CFB: variants seen among roughly 807,000 people sequenced by gnomAD.
CFB encodes the protein complement factor B.
Under a neutral mutation model 97.2 loss-of-function variants are expected in CFB, and 59 were observed. The observed-to-expected ratio is 0.61, with a 90% CI of 0.49 to 0.75. The LOEUF is 0.75. Among genes scored for constraint, CFB ranks in the 30% least tolerant of loss-of-function variants. CFB has a pLI of 0.00. For missense variants in CFB, 771 were observed against 959.8 expected, an observed-to-expected ratio of 0.80 and a Z score of 2.60; for synonymous variants, 316 against 351.7, an observed-to-expected ratio of 0.90 and a Z score of 1.14.
In CFB at chr6:31,947,318, T is replaced by C. The variant is rs763699516; in HGVS notation, c.485-30T>C. 20 of 1,612,828 alleles carry C rather than the reference T, an allele frequency of 1.2e-5. No individual in the cohort carries two copies. Among genetic ancestry groups the C allele is most frequent in the Non-Finnish European group, 1.7e-5 (20 of 1,180,006 alleles). On this transcript the variant is annotated intron_variant, in intron 3 of 17. Transcript: ENST00000425368. The surrounding 1 kb of genome is among the most constrained non-coding windows in gnomAD (Gnocchi z 5.3). ...TTGCTCACGGGGCCTCAGGCTTCAG[T>C]GCTTACCTCGATGTCTCATACCTCT... is the stretch of plus-strand genomic sequence containing the variant.
chr6:31,946,409 A>G lies in CFB; in HGVS notation c.101A>G (p.Gln34Arg). 1 of 1,613,012 alleles carries G rather than the reference A, an allele frequency of 6.2e-7. No individual in the cohort carries two copies. The highest frequency in any genetic ancestry group is 8.5e-7 in the Non-Finnish European group (1 of 1,180,004). Residue 34 changes from glutamine (Q) to arginine (R), a missense_variant, in exon 2 of 18, where the codon CAG becomes CGG. Gln to Arg is a conservative substitution (Grantham distance 43). Transcript: ENST00000425368. The surrounding 1 kb of genome is among the most constrained non-coding windows in gnomAD (Gnocchi z 6.4). ...TTTPWSLARPQGSCSLEGVEI... is the reference protein window; with the variant it reads ...TTTPWSLARPRGSCSLEGVEI... ...ACTCCATGGTCTTTGGCCCGGCCCC[A>G]GGGATCCTGCTCTCTGGAGGGGGTA...
At position 31,951,704 on chromosome 6, in the gene CFB, G is replaced by A; in HGVS notation, c.2139+100G>A. 1 of 1,562,758 alleles carries A rather than the reference G, an allele frequency of 6.4e-7. No individual in the cohort carries two copies. The highest frequency in any genetic ancestry group is 8.8e-7 in the Non-Finnish European group (1 of 1,133,290). Reference sequence around the variant, plus strand: ...TGTGGCTAGTAATTCGAGGTAGGCAGAGCCTGCCTCACCTTAGGACCGCAT... The same window carrying A: ...TGTGGCTAGTAATTCGAGGTAGGCAAAGCCTGCCTCACCTTAGGACCGCAT... On this transcript the variant is annotated intron_variant, in intron 17 of 17. Coordinates refer to ENST00000425368, the MANE Select transcript of CFB (RefSeq NM_001710.6). The surrounding 1 kb of genome is among the most constrained non-coding windows in gnomAD (Gnocchi z 4.3).
At chr6:31,949,920 G>A (rs2151785824) in intron 10 of CFB, 130 bp from the exon 11 acceptor site, 2 of 891,510 alleles carry the variant, frequency 2.2e-6, no homozygotes, top group East Asian at 2.6e-5. Context: ...CTAACACGAG[G>A]AAACAAATAC....
rs915849418 is a variant in CFB, at chr6:31,952,040, T to C, written c.*10T>C. On this transcript the variant is annotated 3_prime_UTR_variant, in exon 18 of 18. Coordinates refer to ENST00000425368, the MANE Select transcript of CFB (RefSeq NM_001710.6). ...TTTGGGTTTTCTATAAGGGGTTTCC[T>C]GCTGGACAGGGGCGTGGGATTGAAT... is the stretch of plus-strand genomic sequence containing the variant. The C allele has an allele frequency of 1.2e-6, 2 of 1,612,626 alleles. No homozygotes were observed. The highest frequency in any genetic ancestry group is 2.7e-5 in the African/African-American group (2 of 75,068).
Position 31,950,355 on chromosome 6 carries a change from C to T in CFB, c.1576C>T (p.His526Tyr), listed in dbSNP as rs1771679355. The T allele has an allele frequency of 6.2e-7, 1 of 1,613,100 alleles. No individual in the cohort carries two copies. Among genetic ancestry groups the T allele is most frequent in the Non-Finnish European group, 8.5e-7 (1 of 1,180,036 alleles). The change falls in exon 12 of 18, where the codon CAT becomes TAT. Residue 526 changes from histidine (H) to tyrosine (Y), a missense_variant. Coordinates refer to ENST00000425368, the MANE Select transcript of CFB (RefSeq NM_001710.6). ...VSEYFVLTAA[H>Y]CFTVDDKEHS... ...TGAGTACTTTGTGCTGACAGCAGCA[C>T]ATTGTTTCACTGTGGATGACAAGGA... is the stretch of plus-strand genomic sequence containing the variant.
chr6:31,950,434 A>T, intron 12 of CFB, 31 bp downstream of exon 12: 1 of 1,596,590 alleles, frequency 6.3e-7, no homozygotes. Flanking sequence ...CCTGGGCTGC[A>T]CCTATGCTCT....
chr6:31,951,770 C>G lies in CFB; in HGVS notation c.2140-105C>G. ...GTCAAGAACGAGGCTGAGCTGGGTC[C>G]CTAGTCTGATTCCTTTAGGTCAGCT... On this transcript the variant is annotated intron_variant, in intron 17 of 17. Coordinates refer to ENST00000425368, the MANE Select transcript of CFB (RefSeq NM_001710.6). The surrounding 1 kb of genome is among the most constrained non-coding windows in gnomAD (Gnocchi z 4.3). 6.3e-7 allele frequency: 1 copy of G among 1,590,770 alleles called. No homozygotes were observed. The highest frequency in any genetic ancestry group is 1.7e-5 in the Admixed American group (1 of 59,968).
At position 31,949,304 on chromosome 6, in the gene CFB, C is replaced by G; in HGVS notation, c.1230C>G (p.Tyr410Ter). The change falls in exon 9 of 18, where the codon TAC becomes TAG. Residue 410 changes from tyrosine to a stop codon, truncating the protein, a stop_gained. Coordinates refer to ENST00000425368, the MANE Select transcript of CFB (RefSeq NM_001710.6). LOFTEE classifies it high-confidence loss of function. ...TVIDEIRDLL[Y>*]IGKDRKNPRE... ...TTGATGAGATCCGGGACTTGCTATA[C>G]ATTGGCAAGGATCGCAAAAACCCAA... The G allele has an allele frequency of 6.2e-7, 1 of 1,614,186 alleles. No individual in the cohort carries two copies. The highest frequency in any genetic ancestry group is 1.1e-5 in the South Asian group (1 of 91,086).
Position 31,946,954 on chromosome 6 carries a change from C to T in CFB, c.299-53C>T. On this transcript the variant is annotated intron_variant, in intron 2 of 17. Transcript: ENST00000425368. This position sits in a 1 kb window ranked among gnomAD's most constrained non-coding sequence, Gnocchi z 6.4. The stretch of plus-strand genomic sequence containing the variant: ...GGTCTCCGAGACCAGGAGGGATACA[C>T]CTAAGGCAGCCTTTCCCTCTTGATG... The T allele has an allele frequency of 1.9e-6, 3 of 1,594,468 alleles. No individual in the cohort carries two copies. Among genetic ancestry groups the T allele is most frequent in the Non-Finnish European group, 2.6e-6 (3 of 1,163,296 alleles).
In CFB at chr6:31,947,570, C is replaced by G; in HGVS notation, c.658+49C>G. On this transcript the variant is annotated intron_variant, in intron 4 of 17. Coordinates refer to ENST00000425368, the MANE Select transcript of CFB (RefSeq NM_001710.6). The surrounding 1 kb of genome is among the most constrained non-coding windows in gnomAD (Gnocchi z 5.3). ...GGTCAGATCCTGGTCTTCCATCCTA[C>G]TGTCTTCTCTCCCCACCTCAACCCT... The G allele has an allele frequency of 1.2e-6, 2 of 1,608,916 alleles. No homozygotes were observed. The highest frequency in any genetic ancestry group is 8.5e-7 in the Non-Finnish European group (1 of 1,176,628).
chr6:31,948,123 G>A (rs1275191401), intron 6 of CFB, 42 bp downstream of exon 6: 20 of 1,609,004 alleles, frequency 1.2e-5, no homozygotes, highest in East Asian at 8.9e-5. Flanking sequence ...ATGGAATCTC[G>A]CTGATCTTCC....
Position 31,948,372 on chromosome 6 carries a change from A to C in CFB, c.898-2A>C. On this transcript the variant is annotated splice_acceptor_variant, in intron 6 of 17. Coordinates refer to ENST00000425368, the MANE Select transcript of CFB (RefSeq NM_001710.6). LOFTEE classifies it high-confidence loss of function. ...ATGGCGCCTTGTTCTCCTCACCCAC[A>C]GGTGGCAAGTTATGGTGTGAAGCCA... 6.8e-6 allele frequency: 11 copies of C among 1,614,234 alleles called. No homozygotes were observed. Among genetic ancestry groups the C allele is most frequent in the Non-Finnish European group, 9.3e-6 (11 of 1,180,044 alleles).
In CFB at chr6:31,951,814, G is replaced by A; in HGVS notation, c.2140-61G>A. The stretch of plus-strand genomic sequence containing the variant: ...GTCAGCTAAGACACAAGCAGGAACA[G>A]CCATGCTTCCAGGATTAGGAATTCT... On this transcript the variant is annotated intron_variant, in intron 17 of 17. Coordinates refer to ENST00000425368, the MANE Select transcript of CFB (RefSeq NM_001710.6). The surrounding 1 kb of genome is among the most constrained non-coding windows in gnomAD (Gnocchi z 4.3). 1.9e-6 allele frequency: 3 copies of A among 1,610,814 alleles called. No individual in the cohort carries two copies. In the South Asian group the frequency reaches 3.3e-5, roughly 18 times the overall value.
chr6:31,948,031 G>A lies in CFB; in HGVS notation c.847G>A (p.Ala283Thr). 6.2e-7 allele frequency: 1 copy of A among 1,614,172 alleles called. No individual in the cohort carries two copies. The highest frequency in any genetic ancestry group is 8.5e-7 in the Non-Finnish European group (1 of 1,180,030). Residue 283 changes from alanine (A) to threonine (T), a missense_variant, in exon 6 of 18, where the codon GCC (alanine) becomes ACC (threonine). Transcript: ENST00000425368. Reference sequence around the variant, plus strand: ...GCTAGATGGATCAGACAGCATTGGGGCCAGCAACTTCACAGGAGCCAAAAA... The same window carrying A: ...GCTAGATGGATCAGACAGCATTGGGACCAGCAACTTCACAGGAGCCAAAAA... ...LVLDGSDSIGASNFTGAKKCL... is the reference protein window; with the variant it reads ...LVLDGSDSIGTSNFTGAKKCL...
chr6:31,946,694 G>T lies in CFB; in HGVS notation c.298+88G>T. 1 of 1,279,280 alleles carries T rather than the reference G, an allele frequency of 7.8e-7. No homozygotes were observed. Among genetic ancestry groups the T allele is most frequent in the Non-Finnish European group, 1.1e-6 (1 of 905,766 alleles). 79.2% of individuals were successfully genotyped at this position (1,279,280 alleles called of 1,614,324 possible). On this transcript the variant is annotated intron_variant, in intron 2 of 17. Transcript: ENST00000425368. The surrounding 1 kb of genome is among the most constrained non-coding windows in gnomAD (Gnocchi z 6.4). ...CAGGACTAGGATGAGACTAGGCAGG[G>T]TGACAAGGTGGGCTGACCGGGAGTA...
chr6:31,948,596 G>T, intron 7 of CFB, 84 bp downstream of exon 7: 3 of 1,586,508 alleles, frequency 1.9e-6, no homozygotes, highest in Non-Finnish European at 2.6e-6. Flanking sequence ...CCTTGAGGGC[G>T]ACAGGGAGGA....
In CFB at chr6:31,948,334, T is replaced by C. The variant is rs1181050722; in HGVS notation, c.898-40T>C. On this transcript the variant is annotated intron_variant, in intron 6 of 17. Transcript: ENST00000425368. ...CTGAAATCTCCCAATCACAGTATTC[T>C]ATTTTCAATGCCATGGCGCCTTGTT... 12 of 1,613,954 alleles carry C rather than the reference T, an allele frequency of 7.4e-6. No homozygotes were observed. In the Admixed American group the frequency reaches 1.0e-4, roughly 13 times the overall value.
At chr6:31,950,264 C>T (rs1771671430) in intron 11 of CFB, 22 bp from the exon 12 acceptor site, 1 of 1,609,282 alleles carries the variant, frequency 6.2e-7, no homozygotes, top group Non-Finnish European at 8.5e-7. Context: ...TGAGCTTTCC[C>T]TCTCTACTGT....
Position 31,949,444 on chromosome 6 carries a change from C to T in CFB, c.1295C>T (p.Pro432Leu). The change falls in exon 10 of 18, where the codon CCT becomes CTT. Residue 432 changes from proline (P) to leucine (L), a missense_variant. Coordinates refer to ENST00000425368, the MANE Select transcript of CFB (RefSeq NM_001710.6). ...GATGTCTATGTGTTTGGGGTCGGGC[C>T]TTTGGTGAACCAAGTGAACATCAAT... ...YLDVYVFGVG[P>L]LVNQVNINAL... 6.2e-7 allele frequency: 1 copy of T among 1,614,158 alleles called. No homozygotes were observed. The highest frequency in any genetic ancestry group is 8.5e-7 in the Non-Finnish European group (1 of 1,180,034).
Sources: gnomAD v4.1 joint callset for allele counts on GRCh38, gnomAD v4.1.1 for gene constraint, Gnocchi (gnomAD v3.1) non-coding constraint, MANE v1.5 for transcripts, NCBI Gene and HGNC (gene_info 2026-07-23, HGNC 2026-07-21) for gene names.